The following CSMD2 variants were observed in gnomAD, a reference collection of about 807,000 sequenced individuals.
CSMD2 encodes the protein CUB and sushi domain-containing protein 2.
A neutral mutation model predicts 398.5 loss-of-function variants in CSMD2; 130 were observed. The observed-to-expected ratio is 0.33, with a 90% CI of 0.28 to 0.38. The LOEUF (loss-of-function observed/expected upper bound fraction) is 0.38. Among genes scored for constraint, CSMD2 ranks in the 10% least tolerant of loss-of-function variants. CSMD2 has a pLI of 1.00. For missense variants in CSMD2, 3,829 were observed against 4,764.9 expected (o/e 0.80, Z 5.78); for synonymous variants, 1,828 against 1,908.5 (o/e 0.96, Z 1.10).
chr1:33,782,883 T>C (rs954022641), intron 12 of CSMD2, among the ~76,000 whole-genome samples: 18 of 152,202 alleles, frequency 1.2e-4, no homozygotes, highest in Admixed American at 3.9e-4. Flanking sequence ...TTGTCATTTT[T>C]TTTTTAACTA....
At chr1:33,925,304 T>G (rs1644088615) in intron 4 of CSMD2, among the ~76,000 whole-genome samples, 1 of 152,178 alleles carries the variant, frequency 6.6e-6, no homozygotes, top group African/African-American at 2.4e-5. Flanking sequence ...GAAGCAAGCG[T>G]CCTTCCCCTA....
At chr1:33,567,478 C>CATATATATATACATATATATATATAT (rs1659152715) in intron 53 of CSMD2, 115 bp downstream of exon 53, 1 of 401,238 alleles carries the variant, frequency 2.5e-6, no homozygotes, top group Non-Finnish European at 3.8e-6. Flanking sequence ...AAATAGCAAT[C>CATATATATATACATATATATATATAT]ATATATATAT....
chr1:33,851,331 T>C (rs1183755216), intron 5 of CSMD2, among the ~76,000 whole-genome samples: 1 of 152,154 alleles, frequency 6.6e-6, no homozygotes, highest in Non-Finnish European at 1.5e-5. Context: ...TCCCAGAGCA[T>C]CTCCTGTGGG....
chr1:33,748,608 G>C (rs1181045055), intron 13 of CSMD2, among the ~76,000 whole-genome samples: 1 of 151,956 alleles, frequency 6.6e-6, no homozygotes, highest in Non-Finnish European at 1.5e-5. Context: ...CAAACAAAGA[G>C]AGTTTTCAGT....
intron 19 of CSMD2, among the ~76,000 whole-genome samples, chr1:33,722,231 G>A (rs1646381309): frequency 6.6e-6 from 1 of 152,190 alleles, no homozygotes; most frequent in Non-Finnish European, 1.5e-5. Context: ...AAGTGGAATT[G>A]CTAGATGCAA....
At chr1:33,579,198 A>C (rs1217241666) in intron 48 of CSMD2, among the ~76,000 whole-genome samples, 1 of 152,230 alleles carries the variant, frequency 6.6e-6, no homozygotes, top group African/African-American at 2.4e-5. Flanking sequence ...CAACCAGCAT[A>C]GTGAAATGCT....
At position 33,780,360 on chromosome 1, in the gene CSMD2, G is replaced by A. The variant is rs561566112; in HGVS notation, c.1664-7609C>T. ...TCTGATTATGCGAAGGGCACCAGGA[G>A]GTGAGAGACCCCACATCTGTATGTG... On this transcript the variant is annotated intron_variant, in intron 12 of 70. Transcript: ENST00000373381. Among the ~76,000 whole-genome samples the A allele has an allele frequency of 1.1e-4, 17 of 152,280 alleles. No homozygotes were observed. In the East Asian group the frequency reaches 3.3e-3, roughly 29 times the overall value.
intron 10 of CSMD2, among the ~76,000 whole-genome samples, chr1:33,802,526 G>A (rs1655723622): frequency 6.6e-6 from 1 of 152,170 alleles, no homozygotes. Flanking sequence ...CAGTCCCTGG[G>A]ACATTCCTAG....
chr1:34,028,191 C>T (rs1038479161), intron 3 of CSMD2, among the ~76,000 whole-genome samples: 3 of 151,966 alleles, frequency 2.0e-5, no homozygotes, highest in Admixed American at 6.6e-5. Context: ...TGTGGTGGCG[C>T]GTGTCTGCGG....
At chr1:33,988,110 A>G (rs1339330439) in intron 3 of CSMD2, among the ~76,000 whole-genome samples, 1 of 152,180 alleles carries the variant, frequency 6.6e-6, no homozygotes, top group Non-Finnish European at 1.5e-5. Flanking sequence ...TCATTTGTTC[A>G]TCTCTGTCTC....
intron 5 of CSMD2, among the ~76,000 whole-genome samples, chr1:33,893,799 C>G (rs1642205309): frequency 6.6e-6 from 1 of 152,224 alleles, no homozygotes; most frequent in Admixed American, 6.5e-5. Context: ...ACTTACCATT[C>G]TGTGGCTATA....
intron 26 of CSMD2, 129 bp from the exon 27 acceptor site, chr1:33,658,266 T>C (rs763881503): frequency 2.3e-5 from 16 of 702,368 alleles, no homozygotes; most frequent in African/African-American, 5.4e-5. Context: ...CTCCCCATCA[T>C]CATCATCAGC....
intron 25 of CSMD2, among the ~76,000 whole-genome samples, chr1:33,666,110 T>C (rs1207760115): frequency 6.6e-6 from 1 of 152,216 alleles, no homozygotes; most frequent in African/African-American, 2.4e-5. Context: ...CTCCTTTCCC[T>C]ATACTAGAAT....
At position 34,145,765 on chromosome 1, in the gene CSMD2, G is replaced by A. The variant is rs77914309; in HGVS notation, c.187+19146C>T. On this transcript the variant is annotated intron_variant, in intron 1 of 70. Transcript: ENST00000373381. ...CCCCATGGCAGTCTCAGCACACAGA[G>A]GAGAGGGGGACCTCCTTTCTGCCCA... Among the ~76,000 whole-genome samples, 126 of 152,296 alleles carry A rather than the reference G, an allele frequency of 8.3e-4. 1 individual carries two copies. The East Asian group carries it at 0.016, about 19-fold the overall frequency.
intron 3 of CSMD2, among the ~76,000 whole-genome samples, chr1:33,960,161 A>G (rs1216699377): frequency 6.6e-6 from 1 of 151,914 alleles, no homozygotes; most frequent in Non-Finnish European, 1.5e-5. Flanking sequence ...TCGTCTTCCA[A>G]CTCAAGCTGG....
chr1:34,071,897 A>AT (rs1655769426), intron 2 of CSMD2, among the ~76,000 whole-genome samples: 1 of 152,270 alleles, frequency 6.6e-6, no homozygotes, highest in African/African-American at 2.4e-5. Context: ...CTCCAGCATC[A>AT]TTCAATCACA....
intron 12 of CSMD2, among the ~76,000 whole-genome samples, chr1:33,777,200 G>C (rs1652105694): frequency 6.6e-6 from 1 of 152,170 alleles, no homozygotes; most frequent in African/African-American, 2.4e-5. Flanking sequence ...ACAGGGTCGT[G>C]GTGACTTCAC....
intron 3 of CSMD2, among the ~76,000 whole-genome samples, chr1:33,996,590 A>G (rs1646733355): frequency 6.6e-6 from 1 of 152,214 alleles, no homozygotes; most frequent in Non-Finnish European, 1.5e-5. Context: ...TGCTCACTCA[A>G]GGGGCCACCC....
intron 1 of CSMD2, among the ~76,000 whole-genome samples, chr1:34,132,655 T>C (rs1279662886): frequency 4.6e-5 from 7 of 152,228 alleles, no homozygotes; most frequent in Non-Finnish European, 7.3e-5. Flanking sequence ...ATCCAATTCA[T>C]TGAGGTCCCC....
Sources: gnomAD v4.1 joint callset for allele counts (sites outside exome capture counted in the v4.1 genomes callset) on GRCh38, gnomAD v4.1.1 for gene constraint, MANE v1.5 for transcripts, NCBI Gene and HGNC (gene_info 2026-07-23, HGNC 2026-07-21) for gene names.